NRXN3: variants seen among roughly 807,000 people sequenced by gnomAD.
The protein encoded by NRXN3 is neurexin 3.
In NRXN3, 32 loss-of-function variants were observed where a neutral mutation model predicts 137.6. The observed-to-expected ratio is 0.23, with a 90% CI of 0.18 to 0.31. NRXN3 has a LOEUF of 0.31. Ranked by LOEUF, NRXN3 falls within the 10% of genes least tolerant of loss-of-function variation. NRXN3 has a pLI of 1.00. For missense variants in NRXN3, 1,574 were observed against 2,062.5 expected (o/e 0.76, Z 4.59); for synonymous variants, 798 against 784.5 (o/e 1.02, Z -0.29).
chr14:78,648,949 G>A (rs1401869453), intron 5 of NRXN3, among the ~76,000 whole-genome samples: 1 of 152,120 alleles, frequency 6.6e-6, no homozygotes, highest in Non-Finnish European at 1.5e-5. Context: ...ATTCTAACGG[G>A]TGAGGTGTGG....
At chr14:78,489,682 T>C (rs922140693) in intron 4 of NRXN3, among the ~76,000 whole-genome samples, 1 of 152,084 alleles carries the variant, frequency 6.6e-6, no homozygotes, top group African/African-American at 2.4e-5. Context: ...AAACAAATTA[T>C]GTTGACAGAC....
intron 4 of NRXN3, among the ~76,000 whole-genome samples, chr14:78,354,810 A>G (rs1375224499): frequency 2.0e-5 from 3 of 152,236 alleles, no homozygotes; most frequent in Non-Finnish European, 4.4e-5. Context: ...AGGAACAAGG[A>G]CTAGAAAATC....
At chr14:78,742,451 A>G (rs2098581683) in intron 8 of NRXN3, among the ~76,000 whole-genome samples, 1 of 152,246 alleles carries the variant, frequency 6.6e-6, no homozygotes, top group Non-Finnish European at 1.5e-5. Context: ...TAAATAAGAA[A>G]GGGAATAAGC....
chr14:78,243,501 C>A lies in NRXN3; in HGVS notation c.408C>A (p.Pro136=). ...DGEGQSGELQ[P]QRPYMDVVSD... Reference sequence around the variant, plus strand: ...AGGGCCAGTCTGGGGAGCTGCAGCCCCAGCGGCCCTACATGGATGTGGTCA... The same window carrying A: ...AGGGCCAGTCTGGGGAGCTGCAGCCACAGCGGCCCTACATGGATGTGGTCA... Residue 136 remains proline (P), a synonymous_variant, in exon 2 of 21, where the codon CCC becomes CCA. Transcript: ENST00000335750. The surrounding 1 kb of genome is among the most constrained non-coding windows in gnomAD (Gnocchi z 4.2). 5.6e-6 allele frequency: 9 copies of A among 1,593,008 alleles called. No homozygotes were observed. The highest frequency in any genetic ancestry group is 7.6e-6 in the Non-Finnish European group (9 of 1,177,366).
intron 16 of NRXN3, among the ~76,000 whole-genome samples, chr14:79,662,521 T>C (rs182702962): frequency 5.1e-4 from 78 of 152,234 alleles, no homozygotes; most frequent in South Asian, 8.3e-4. Flanking sequence ...GTTGGTGATA[T>C]CACCACCAGC....
intron 4 of NRXN3, among the ~76,000 whole-genome samples, chr14:78,451,399 C>T (rs1275342857): frequency 6.6e-6 from 1 of 152,194 alleles, no homozygotes; most frequent in Non-Finnish European, 1.5e-5. Context: ...CTGGAGAAAT[C>T]ACACTGCACA....
chr14:78,677,182 A>T (rs1163811580), intron 6 of NRXN3, among the ~76,000 whole-genome samples: 2 of 152,170 alleles, frequency 1.3e-5, no homozygotes, highest in African/African-American at 2.4e-5. Flanking sequence ...TTCCATAGAT[A>T]GTGATTTCTC....
intron 15 of NRXN3, among the ~76,000 whole-genome samples, chr14:79,183,586 A>C (rs1162904062): frequency 6.6e-6 from 1 of 152,216 alleles, no homozygotes; most frequent in Non-Finnish European, 1.5e-5. Context: ...TCTGGTGTTC[A>C]AAAGGTAAAA....
At chr14:78,316,772 C>T (rs1024739969) in intron 4 of NRXN3, among the ~76,000 whole-genome samples, 4 of 152,290 alleles carry the variant, frequency 2.6e-5, no homozygotes, top group African/African-American at 9.6e-5. Context: ...CATGATATGA[C>T]CAAGACCTAG....
chr14:79,609,007 G>A (rs558045543), intron 16 of NRXN3, among the ~76,000 whole-genome samples: 7 of 152,276 alleles, frequency 4.6e-5, no homozygotes, highest in Non-Finnish European at 7.4e-5. Context: ...ATCCCTCAAA[G>A]AGCAGTAATG....
chr14:79,861,829 C>G lies in NRXN3; in HGVS notation c.4581C>G (p.Ser1527=), dbSNP rs565479742. The change falls in exon 21 of 21, where the codon TCC becomes TCG. Residue 1527 remains serine, a synonymous_variant. Coordinates refer to ENST00000335750, the MANE Select transcript of NRXN3 (RefSeq NM_001330195.2). This position sits in a 1 kb window ranked among gnomAD's most constrained non-coding sequence, Gnocchi z 5.4. Reference sequence around the variant, plus strand: ...AGTACAGGAACAGGGACGAGGGGTCCTATCAAGTGGACGAGACGCGGAACT... The same window carrying G: ...AGTACAGGAACAGGGACGAGGGGTCGTATCAAGTGGACGAGACGCGGAACT... ...MYKYRNRDEG[S]YQVDETRNYI... is the part of the protein sequence containing the mutation. 1 of 1,614,102 alleles carries G rather than the reference C, an allele frequency of 6.2e-7. No individual in the cohort carries two copies. The highest frequency in any genetic ancestry group is 1.3e-5 in the African/African-American group (1 of 75,036).
At chr14:79,507,857 G>A (rs74070249) in intron 16 of NRXN3, among the ~76,000 whole-genome samples, 16,835 of 152,094 alleles carry the variant, frequency 0.11, 1,005 homozygotes, top group South Asian at 0.22. Context: ...TATATAGTGT[G>A]GAAAATGAAC....
chr14:79,411,873 G>T (rs556913811), intron 15 of NRXN3, among the ~76,000 whole-genome samples: 1 of 152,258 alleles, frequency 6.6e-6, no homozygotes, highest in South Asian at 2.1e-4. Context: ...GTCTATTTAG[G>T]AATGACAGAT....
At chr14:78,523,615 C>A (rs1336111264) in intron 4 of NRXN3, among the ~76,000 whole-genome samples, 1 of 133,010 alleles carries the variant, frequency 7.5e-6, no homozygotes, top group Non-Finnish European at 1.5e-5. Context: ...CTGGCTAACA[C>A]GGTGAAACCC....
intron 10 of NRXN3, among the ~76,000 whole-genome samples, chr14:78,948,287 A>G (rs1205834600): frequency 2.0e-5 from 3 of 152,238 alleles, no homozygotes; most frequent in East Asian, 1.9e-4. Flanking sequence ...TGCTTAAAAC[A>G]TAGGAGGTTG....
At chr14:78,783,643 C>T (rs999301459) in intron 8 of NRXN3, among the ~76,000 whole-genome samples, 5 of 152,020 alleles carry the variant, frequency 3.3e-5, no homozygotes, top group Non-Finnish European at 7.4e-5. Context: ...ATTTTTATAA[C>T]TTTTCTATAA....
At chr14:78,890,794 G>T (rs1256181799) in intron 10 of NRXN3, among the ~76,000 whole-genome samples, 1 of 151,852 alleles carries the variant, frequency 6.6e-6, no homozygotes. Flanking sequence ...TTATCTTCAG[G>T]CATTCATAAT....
intron 4 of NRXN3, among the ~76,000 whole-genome samples, chr14:78,386,029 AT>A (rs5809883): frequency 0.93 from 139,287 of 150,394 alleles, 64,659 homozygotes; most frequent in South Asian, 0.98. Context: ...AAGGTATTAG[AT>A]TTTTTTTTTT....
At chr14:78,544,832 T>C (rs2152126086) in intron 4 of NRXN3, among the ~76,000 whole-genome samples, 1 of 152,266 alleles carries the variant, frequency 6.6e-6, no homozygotes, top group South Asian at 2.1e-4. Flanking sequence ...TTAGGAACTT[T>C]TGCTTGCAAC....
Sources: gnomAD v4.1 joint callset for allele counts (sites outside exome capture counted in the v4.1 genomes callset) on GRCh38, gnomAD v4.1.1 for gene constraint, Gnocchi (gnomAD v3.1) non-coding constraint, MANE v1.5 for transcripts, NCBI Gene and HGNC (gene_info 2026-07-23, HGNC 2026-07-21) for gene names.